Variants in MRPL3 observed in about 807,000 individuals in gnomAD.
MRPL3 encodes mitochondrial ribosomal protein L3.
In MRPL3, 43 loss-of-function variants were observed where a neutral mutation model predicts 44.3. The observed-to-expected ratio is 0.97, with a 90% CI of 0.76 to 1.25. The LOEUF (loss-of-function observed/expected upper bound fraction) is 1.25. Ranked by LOEUF, MRPL3 falls within the 50% of genes most tolerant of loss-of-function variation. The pLI, the probability that MRPL3 is intolerant of heterozygous loss-of-function variation, is 0.00. For missense variants in MRPL3, 406 were observed against 427.6 expected (o/e 0.95, Z 0.45); for synonymous variants, 171 against 152.3 (o/e 1.12, Z -0.91).
chr3:131,475,112 T>C (rs1029290664), intron 6 of MRPL3, among the ~76,000 whole-genome samples: 12 of 152,024 alleles, frequency 7.9e-5, no homozygotes, highest in African/African-American at 2.9e-4. Flanking sequence ...AAAATGAAGA[T>C]TTTTCTCACC....
intron 1 of MRPL3, 174 bp from the exon 2 acceptor site, chr3:131,501,889 C>T: frequency 6.5e-7 from 1 of 1,538,710 alleles, no homozygotes; most frequent in Non-Finnish European, 8.7e-7. Flanking sequence ...CACATTCCTT[C>T]GGATAAGGCT....
At chr3:131,486,526 C>A (rs1934129224) in intron 6 of MRPL3, among the ~76,000 whole-genome samples, 1 of 151,258 alleles carries the variant, frequency 6.6e-6, no homozygotes, top group Non-Finnish European at 1.5e-5. Flanking sequence ...ATACATGTGC[C>A]ATGCTGGTGC....
chr3:131,487,973 C>T (rs1019172936), intron 5 of MRPL3, among the ~76,000 whole-genome samples: 1 of 152,180 alleles, frequency 6.6e-6, no homozygotes, highest in Admixed American at 6.6e-5. Flanking sequence ...CATGACAACA[C>T]AGTGTTCTTG....
intron 6 of MRPL3, among the ~76,000 whole-genome samples, chr3:131,486,330 T>C (rs1350687242): frequency 6.0e-5 from 4 of 66,212 alleles, no homozygotes; most frequent in Non-Finnish European, 1.1e-4. Flanking sequence ...AATTGACAAA[T>C]GGGATCTCAT....
At chr3:131,478,340 ATC>A (rs1933900524) in intron 6 of MRPL3, among the ~76,000 whole-genome samples, 1 of 152,128 alleles carries the variant, frequency 6.6e-6, no homozygotes, top group Non-Finnish European at 1.5e-5. Context: ...CAAACCAAAC[ATC>A]TCTCTTCCTT....
At chr3:131,471,779 T>C (rs1463249977) in intron 6 of MRPL3, among the ~76,000 whole-genome samples, 1 of 152,160 alleles carries the variant, frequency 6.6e-6, no homozygotes, top group African/African-American at 2.4e-5. Context: ...TGATGAGATG[T>C]CACTTCTGAG....
At chr3:131,476,888 C>T (rs1321992305) in intron 6 of MRPL3, among the ~76,000 whole-genome samples, 1 of 152,186 alleles carries the variant, frequency 6.6e-6, no homozygotes, top group Non-Finnish European at 1.5e-5. Flanking sequence ...AGTCTCCTTT[C>T]TTCTGTCCTA....
intron 2 of MRPL3, 30 bp from the exon 3 acceptor site, chr3:131,500,551 A>G: frequency 6.3e-7 from 1 of 1,579,002 alleles, no homozygotes; most frequent in Non-Finnish European, 8.7e-7. Flanking sequence ...CAATGTGAAC[A>G]AAAGCTTTTG....
intron 9 of MRPL3, among the ~76,000 whole-genome samples, chr3:131,465,111 G>A (rs998221735): frequency 2.0e-5 from 3 of 152,172 alleles, no homozygotes; most frequent in African/African-American, 7.2e-5. Context: ...TTTAAAGGAC[G>A]TGTTTATTAT....
intron 4 of MRPL3, among the ~76,000 whole-genome samples, chr3:131,496,450 G>A (rs1349843712): frequency 6.6e-6 from 1 of 152,140 alleles, no homozygotes; most frequent in Non-Finnish European, 1.5e-5. Context: ...TCTCTAACAC[G>A]AAACAAAATA....
Position 131,490,017 on chromosome 3 carries a change from T to C in MRPL3, c.532A>G (p.Ile178Val), listed in dbSNP as rs1209285250. Residue 178 changes from isoleucine (I) to valine (V), a missense_variant, in exon 5 of 10, where the codon ATC becomes GTC. Transcript: ENST00000264995. Reference protein sequence around the residue: ...LGLPPKQTVKIFNITDNAAIK... With the variant: ...LGLPPKQTVKVFNITDNAAIK... Reference sequence around the variant, plus strand: ...GCAGCATTATCTGTTATATTAAAGATTTTAACTGTCTGTTTCGGCGGCAAT... The same window carrying C: ...GCAGCATTATCTGTTATATTAAAGACTTTAACTGTCTGTTTCGGCGGCAAT... The C allele has an allele frequency of 6.2e-7, 1 of 1,611,854 alleles. No individual in the cohort carries two copies. Among genetic ancestry groups the C allele is most frequent in the Admixed American group, 1.7e-5 (1 of 59,890 alleles).
intron 2 of MRPL3, 23 bp downstream of exon 2, chr3:131,501,508 C>A: frequency 6.3e-7 from 1 of 1,580,790 alleles, no homozygotes; most frequent in Non-Finnish European, 8.7e-7. Context: ...GAAATGAGAG[C>A]TCATCAAATA....
intron 6 of MRPL3, among the ~76,000 whole-genome samples, chr3:131,486,022 TA>T (rs1469039935): frequency 1.3e-4 from 20 of 152,250 alleles, no homozygotes; most frequent in Non-Finnish European, 1.9e-4. Context: ...AATTATCATT[TA>T]TGTTGAAGAA....
At position 131,502,940 on chromosome 3, in the gene MRPL3, C is replaced by G; in HGVS notation, c.-119G>C. ...GCCGTGGGGAAGTTTTCGCAATGGC[C>G]GCCGGAACGGTCGCCGGCCGATGCT... On this transcript the variant is annotated 5_prime_UTR_variant, in exon 1 of 10. Transcript: ENST00000264995. 1.1e-6 allele frequency: 1 copy of G among 932,234 alleles called. No individual in the cohort carries two copies. Among genetic ancestry groups the G allele is most frequent in the Non-Finnish European group, 1.7e-6 (1 of 590,344 alleles). 57.7% of individuals were successfully genotyped at this position (932,234 alleles called of 1,614,324 possible).
intron 7 of MRPL3, 149 bp downstream of exon 7, chr3:131,471,022 G>A: frequency 1.6e-6 from 1 of 606,836 alleles, no homozygotes; most frequent in Non-Finnish European, 3.0e-6. Context: ...AATGAGTGAG[G>A]GGCAAGGATC....
chr3:131,499,701 G>C lies in MRPL3; in HGVS notation c.369+729C>G, dbSNP rs140688732. 5.3e-3 allele frequency among the ~76,000 whole-genome samples: 805 copies of C among 152,074 alleles called. 4 individuals are homozygous for C. Among genetic ancestry groups the C allele is most frequent in the African/African-American group, 0.018 (758 of 41,440 alleles). On this transcript the variant is annotated intron_variant, in intron 3 of 9. Transcript: ENST00000264995. ...ACTGAGTTGTTCAAAGTGATTGGGG[G>C]AGTGATGATCTCTTACCAGTATCTT...
intron 6 of MRPL3, among the ~76,000 whole-genome samples, chr3:131,476,661 T>C (rs1394389164): frequency 1.3e-5 from 2 of 152,212 alleles, no homozygotes; most frequent in Admixed American, 6.5e-5. Flanking sequence ...AAAAGATGTA[T>C]TTTATTTAGA....
chr3:131,494,417 T>A (rs1038623681), intron 4 of MRPL3, among the ~76,000 whole-genome samples: 1 of 152,226 alleles, frequency 6.6e-6, no homozygotes. Flanking sequence ...ATTTTCCTGA[T>A]GTATAAAATT....
rs112568605 is a variant in MRPL3 at position 131,501,800 on chromosome 3, A to C, written c.93-85T>G. 1,670 of 1,592,072 alleles carry C rather than the reference A, an allele frequency of 1.0e-3. 22 individuals carry two copies. In the African/African-American group the frequency reaches 0.02, roughly 19 times the overall value. On this transcript the variant is annotated intron_variant, in intron 1 of 9. Transcript: ENST00000264995. ...ATAGAAAAGGGAAGTCACAAATTGG[A>C]AAGTGTAGTCAGGGCCTTGGGAAAG...
Sources: allele counts gnomAD v4.1 joint callset (sites outside exome capture counted in the v4.1 genomes callset), GRCh38; gene constraint gnomAD v4.1.1; transcripts MANE v1.5; gene names NCBI Gene and HGNC (gene_info 2026-07-23, HGNC 2026-07-21).